The following SLFN12L variants were observed in gnomAD, a reference collection of about 807,000 sequenced individuals.
SLFN12L encodes the protein schlafen family member 12-like.
SLFN12L carries 34 observed loss-of-function variants against 34.8 expected under a neutral mutation model. The ratio of observed to expected loss-of-function variants is 0.98; its 90% CI spans 0.74 to 1.30. The LOEUF is 1.30. SLFN12L is among the 50% of genes most tolerant of loss of function. The pLI is 0.00. For missense variants in SLFN12L, 703 were observed against 696.2 expected (o/e 1.01, Z -0.11); for synonymous variants, 259 against 247.5 (o/e 1.05, Z -0.44).
intron 2 of SLFN12L, among the ~76,000 whole-genome samples, chr17:35,496,540 C>T (rs1915086747): frequency 6.8e-6 from 1 of 147,894 alleles, no homozygotes; most frequent in Non-Finnish European, 1.5e-5. Context: ...CCCTCCTTTC[C>T]CTTCCCTCCC....
chr17:35,498,001 T>C (rs1915149081), intron 2 of SLFN12L, among the ~76,000 whole-genome samples: 1 of 152,082 alleles, frequency 6.6e-6, no homozygotes, highest in African/African-American at 2.4e-5. Flanking sequence ...CTGTACAACA[T>C]AGCGAGACCC....
At chr17:35,515,367 TGAGA>T (rs1365182690) in intron 2 of SLFN12L, among the ~76,000 whole-genome samples, 2 of 152,216 alleles carry the variant, frequency 1.3e-5, no homozygotes, top group Non-Finnish European at 2.9e-5. Flanking sequence ...TGTGCAAGTT[TGAGA>T]GAGAGTCATG....
chr17:35,535,412 G>A (rs371399571), intron 1 of SLFN12L, among the ~76,000 whole-genome samples: 1 of 150,822 alleles, frequency 6.6e-6, no homozygotes, highest in East Asian at 1.9e-4. Flanking sequence ...GTTCAGGCTG[G>A]TCTTGAACTC....
chr17:35,479,714 C>T lies in SLFN12L; in HGVS notation c.568G>A (p.Asp190Asn), dbSNP rs776599053. ...NASAALEFLK[D>N]MEKTGGRAYL... ...GCTCTCCCTCCAGTTTTTTCCATGT[C>T]TTTGAGGAACTCCAGTGCAGCAGAA... Residue 190 changes from aspartate to asparagine, a missense_variant, in exon 3 of 5, where the codon GAC becomes AAC. Asp to Asn is a conservative substitution (Grantham distance 23). Transcript: ENST00000628453. The T allele has an allele frequency of 4.3e-6, 7 of 1,614,070 alleles. No individual in the cohort carries two copies. Among genetic ancestry groups the T allele is most frequent in the Non-Finnish European group, 5.9e-6 (7 of 1,179,964 alleles).
At chr17:35,499,762 G>A (rs1915224905) in intron 2 of SLFN12L, 1 of 245,168 alleles carries the variant, frequency 4.1e-6, no homozygotes, top group South Asian at 1.7e-4. Flanking sequence ...AGTAACACAG[G>A]AAGTAGAGTT....
chr17:35,525,828 T>G (rs982448953), intron 1 of SLFN12L, among the ~76,000 whole-genome samples: 1 of 152,142 alleles, frequency 6.6e-6, no homozygotes, highest in Non-Finnish European at 1.5e-5. Context: ...GCTAGCATCA[T>G]AGTAACAGGA....
chr17:35,478,460 C>T, intron 3 of SLFN12L: 1 of 222,468 alleles, frequency 4.5e-6, no homozygotes, highest in Non-Finnish European at 8.7e-6. Flanking sequence ...TGCCATATAA[C>T]TGAGTTTATT....
chr17:35,519,887 G>A (rs1056995823), intron 2 of SLFN12L, among the ~76,000 whole-genome samples: 2 of 152,108 alleles, frequency 1.3e-5, no homozygotes, highest in Non-Finnish European at 2.9e-5. Context: ...CTTAAAAGTT[G>A]AATTTGCAAG....
In SLFN12L at chr17:35,473,250, C is replaced by G. The variant is rs147447742; in HGVS notation, c.*1673G>C. On this transcript the variant is annotated 3_prime_UTR_variant, in exon 5 of 5. Coordinates refer to ENST00000628453, the MANE Select transcript of SLFN12L (RefSeq NM_001363830.2). ...TGCCAATTTTCAAAGGGAATGCTTC[C>G]AGGTTTTGCCCATTCAGTATGATAT... Among the ~76,000 whole-genome samples, 8 of 152,144 alleles carry G rather than the reference C, an allele frequency of 5.3e-5. No individual in the cohort carries two copies. Among genetic ancestry groups the G allele is most frequent in the Non-Finnish European group, 1.5e-5 (1 of 68,038 alleles).
At chr17:35,490,061 A>AGCG in intron 2 of SLFN12L, 1 of 1,606,002 alleles carries the variant, frequency 6.2e-7, no homozygotes, top group East Asian at 2.2e-5. Flanking sequence ...CTCCCTCCAA[A>AGCG]GCGGCGCCGT....
At chr17:35,523,174 C>T (rs1426779693) in intron 1 of SLFN12L, among the ~76,000 whole-genome samples, 2 of 152,112 alleles carry the variant, frequency 1.3e-5, no homozygotes, top group Non-Finnish European at 2.9e-5. Flanking sequence ...GTTTATTATG[C>T]CTTTGACCTA....
At chr17:35,491,881 T>C (rs1041865882) in intron 2 of SLFN12L, among the ~76,000 whole-genome samples, 1 of 152,184 alleles carries the variant, frequency 6.6e-6, no homozygotes, top group African/African-American at 2.4e-5. Context: ...TGTTTTCAAA[T>C]ATACTTGTTG....
chr17:35,498,901 C>G (rs1007853211), intron 2 of SLFN12L: 2 of 706,828 alleles, frequency 2.8e-6, no homozygotes, highest in Admixed American at 4.0e-5. Flanking sequence ...CCTGATATGC[C>G]CAGCCCTATT....
Position 35,470,657 on chromosome 17 carries a change from CCA to C in SLFN12L, c.*4264_*4265del, listed in dbSNP as rs1913790702. ...AGACTCCAAGAGTGTGAACATGCTC[CCA>C]CTGTTTTAAGTTCTTTTTTTTTTTT... On this transcript the variant is annotated 3_prime_UTR_variant, in exon 5 of 5. Transcript: ENST00000628453. 2 of 146,148 alleles carry C rather than the reference CCA, an allele frequency of 1.4e-5. No individual in the cohort carries two copies. Among genetic ancestry groups the C allele is most frequent in the Admixed American group, 6.9e-5 (1 of 14,440 alleles). The allele number at this position is 146,148 out of a possible 1,614,324, so 9.1% of individuals were successfully genotyped here.
chr17:35,488,106 G>A (rs989405555), intron 2 of SLFN12L, among the ~76,000 whole-genome samples: 1 of 152,228 alleles, frequency 6.6e-6, no homozygotes, highest in African/African-American at 2.4e-5. Flanking sequence ...CTACTCGGGA[G>A]GCTGAGGCAG....
chr17:35,475,930 TA>T (rs1414115803), intron 4 of SLFN12L, among the ~76,000 whole-genome samples: 4 of 147,036 alleles, frequency 2.7e-5, no homozygotes, highest in South Asian at 2.2e-4. Flanking sequence ...TATATTTTTT[TA>T]AATTTATATA....
At chr17:35,490,799 A>G in intron 2 of SLFN12L, 1 of 1,418,088 alleles carries the variant, frequency 7.1e-7, no homozygotes, top group Non-Finnish European at 1.0e-6. Flanking sequence ...ATAAGACTTG[A>G]GTGCCTGACT....
chr17:35,529,566 C>T (rs565829596), intron 1 of SLFN12L, among the ~76,000 whole-genome samples: 2 of 152,206 alleles, frequency 1.3e-5, no homozygotes, highest in Admixed American at 6.5e-5. Context: ...AAGCTGGAAA[C>T]CATCATTCTC....
chr17:35,483,150 C>T (rs974657767), intron 2 of SLFN12L, among the ~76,000 whole-genome samples: 2 of 152,038 alleles, frequency 1.3e-5, no homozygotes, highest in African/African-American at 4.8e-5. Flanking sequence ...GAGCAGCAAA[C>T]GTAGGAAGGA....
Sources: gnomAD v4.1 joint callset for allele counts (sites outside exome capture counted in the v4.1 genomes callset) on GRCh38, gnomAD v4.1.1 for gene constraint, MANE v1.5 for transcripts, NCBI Gene and HGNC (gene_info 2026-07-23, HGNC 2026-07-21) for gene names.